The following ABCC1 variants were observed in gnomAD, a reference collection of about 807,000 sequenced individuals.
ABCC1 encodes ATP binding cassette subfamily C member 1 (ABCC1 blood group), also known as multidrug resistance-associated protein 1.
Under a neutral mutation model 172.9 loss-of-function variants are expected in ABCC1, and 83 were observed. The ratio of observed to expected loss-of-function variants is 0.48; its 90% CI spans 0.40 to 0.58. The LOEUF is 0.58. Ranked by LOEUF, ABCC1 falls within the 20% of genes least tolerant of loss-of-function variation. ABCC1 has a pLI of 0.00. For missense variants in ABCC1, 1,817 were observed against 2,002.7 expected (o/e 0.91, Z 1.77); for synonymous variants, 937 against 825.2 (o/e 1.14, Z -2.32).
At chr16:15,995,303 C>T (rs1382601064) in intron 1 of ABCC1, among the ~76,000 whole-genome samples, 1 of 152,110 alleles carries the variant, frequency 6.6e-6, no homozygotes, top group Non-Finnish European at 1.5e-5. Flanking sequence ...TTGGCTGATG[C>T]AACTAATGAA....
At chr16:16,131,969 C>G in intron 27 of ABCC1, 34 bp downstream of exon 27, 1 of 1,600,024 alleles carries the variant, frequency 6.2e-7, no homozygotes, top group Non-Finnish European at 8.5e-7. Flanking sequence ...CTCACCCATT[C>G]CCAGTCGGGC....
intron 5 of ABCC1, among the ~76,000 whole-genome samples, chr16:16,029,705 G>T (rs1387234069): frequency 2.0e-5 from 3 of 152,174 alleles, no homozygotes; most frequent in Admixed American, 6.5e-5. Flanking sequence ...ACATCTGAAA[G>T]ATAAGAATTT....
chr16:16,089,264 A>G (rs778038711), intron 18 of ABCC1, among the ~76,000 whole-genome samples: 5 of 152,186 alleles, frequency 3.3e-5, no homozygotes, highest in Non-Finnish European at 7.3e-5. Flanking sequence ...ATTAAGCCAG[A>G]GCTGGGCACG....
rs149387104 is a variant in ABCC1 at position 16,074,459 on chromosome 16, C to T, written c.1913-1867C>T. Among the ~76,000 whole-genome samples, 377 of 152,244 alleles carry T rather than the reference C, an allele frequency of 2.5e-3. 3 individuals are homozygous for T. The highest frequency in any genetic ancestry group is 8.7e-3 in the African/African-American group (363 of 41,544). Reference sequence around the variant, plus strand: ...ACAGGCTGAAATTTGAGGTGGCCGGCGGTGGGTGGGGGGTGGTTTCTTGGT... The same window carrying T: ...ACAGGCTGAAATTTGAGGTGGCCGGTGGTGGGTGGGGGGTGGTTTCTTGGT... On this transcript the variant is annotated intron_variant, in intron 14 of 30. Coordinates refer to ENST00000399410, the MANE Select transcript of ABCC1 (RefSeq NM_004996.4).
intron 14 of ABCC1, among the ~76,000 whole-genome samples, chr16:16,074,341 G>A (rs1441250373): frequency 6.6e-6 from 1 of 152,150 alleles, no homozygotes; most frequent in African/African-American, 2.4e-5. Flanking sequence ...CTGGGCTGTG[G>A]TCATCTGGTT....
intron 1 of ABCC1, among the ~76,000 whole-genome samples, chr16:15,951,372 A>G (rs2045868350): frequency 6.6e-6 from 1 of 151,960 alleles, no homozygotes; most frequent in Admixed American, 6.6e-5. Flanking sequence ...TCATTCACGA[A>G]GTCCAGTTGT....
intron 24 of ABCC1, among the ~76,000 whole-genome samples, chr16:16,124,135 C>T (rs762825482): frequency 9.9e-5 from 15 of 152,144 alleles, no homozygotes; most frequent in Admixed American, 2.0e-4. Context: ...GATGTTTACT[C>T]GTACTAGTTA....
chr16:16,074,558 C>A (rs1878012274), intron 14 of ABCC1, among the ~76,000 whole-genome samples: 1 of 152,310 alleles, frequency 6.6e-6, no homozygotes, highest in African/African-American at 2.4e-5. Context: ...CACCCCAGCC[C>A]CTCCTTCCTG....
At position 16,048,125 on chromosome 16, in the gene ABCC1, T is replaced by C; in HGVS notation, c.1219-17T>C. 6.2e-7 allele frequency: 1 copy of C among 1,613,734 alleles called. No homozygotes were observed. The highest frequency in any genetic ancestry group is 1.3e-5 in the African/African-American group (1 of 74,998). On this transcript the variant is annotated splice_polypyrimidine_tract_variant and intron_variant, in intron 9 of 30. Transcript: ENST00000399410. ...AGCTGCCACACTCACCCACCTTCCCTCTCCTTTGTCCCACAGGCCCTGGTG... is the reference window on the plus strand; with the variant it reads ...AGCTGCCACACTCACCCACCTTCCCCCTCCTTTGTCCCACAGGCCCTGGTG...
chr16:16,122,210 G>C (rs1567429940), intron 24 of ABCC1, 36 bp downstream of exon 24: 11 of 1,609,740 alleles, frequency 6.8e-6, no homozygotes, highest in Non-Finnish European at 8.5e-6. Context: ...GGGTGGAGGA[G>C]GCCGCCTTAG....
At chr16:16,094,725 C>T (rs1268229875) in intron 19 of ABCC1, among the ~76,000 whole-genome samples, 1 of 150,778 alleles carries the variant, frequency 6.6e-6, no homozygotes, top group Non-Finnish European at 1.5e-5. Flanking sequence ...CCGTGTTAGT[C>T]AGGATGGTCT....
intron 19 of ABCC1, among the ~76,000 whole-genome samples, chr16:16,092,712 G>A (rs113578262): frequency 1.7e-4 from 26 of 152,312 alleles, no homozygotes; most frequent in African/African-American, 5.3e-4. Flanking sequence ...GTTGGTGGCC[G>A]GGTGTGGTGG....
At chr16:16,101,229 T>C (rs952159991) in intron 19 of ABCC1, among the ~76,000 whole-genome samples, 4 of 152,046 alleles carry the variant, frequency 2.6e-5, no homozygotes, top group African/African-American at 9.7e-5. Flanking sequence ...AGTTGGGGTT[T>C]TTCCATGTTG....
chr16:16,092,232 C>T (rs948609730), intron 19 of ABCC1, among the ~76,000 whole-genome samples: 1 of 152,290 alleles, frequency 6.6e-6, no homozygotes, highest in Non-Finnish European at 1.5e-5. Context: ...AGCAAGACTT[C>T]GTCTCAGAAA....
At chr16:16,138,617 A>T in intron 30 of ABCC1, 59 bp downstream of exon 30, 1 of 1,373,600 alleles carries the variant, frequency 7.3e-7, no homozygotes, top group Non-Finnish European at 9.7e-7. Flanking sequence ...TCACTGGCTC[A>T]CTCATTAATT....
At chr16:16,105,878 CTT>C (rs574151579) in intron 20 of ABCC1, among the ~76,000 whole-genome samples, 5 of 126,416 alleles carry the variant, frequency 4.0e-5, no homozygotes, top group African/African-American at 6.0e-5. Flanking sequence ...GCGAAAAGTG[CTT>C]TTTTTTTTTT....
intron 6 of ABCC1, among the ~76,000 whole-genome samples, chr16:16,036,226 A>G (rs1344968513): frequency 1.3e-5 from 2 of 151,770 alleles, no homozygotes; most frequent in African/African-American, 2.4e-5. Flanking sequence ...TGTATGCACC[A>G]CTAAAAAAAA....
chr16:15,969,822 A>G (rs1430273109), intron 1 of ABCC1, among the ~76,000 whole-genome samples: 1 of 152,028 alleles, frequency 6.6e-6, no homozygotes, highest in African/African-American at 2.4e-5. Context: ...AATGGGTCCC[A>G]TGGCCTGACT....
intron 9 of ABCC1, among the ~76,000 whole-genome samples, chr16:16,046,876 G>A (rs1414498520): frequency 6.6e-6 from 1 of 151,438 alleles, no homozygotes; most frequent in Non-Finnish European, 1.5e-5. Flanking sequence ...AGGCCTGTCT[G>A]TGAATTAGAC....
Sources: allele counts gnomAD v4.1 joint callset (sites outside exome capture counted in the v4.1 genomes callset), GRCh38; gene constraint gnomAD v4.1.1; transcripts MANE v1.5; gene names NCBI Gene and HGNC (gene_info 2026-07-23, HGNC 2026-07-21).